The following PLXNA4 variants were observed in gnomAD, a reference collection of about 807,000 sequenced individuals.
The protein encoded by PLXNA4 is plexin-A4.
A neutral mutation model predicts 191.8 loss-of-function variants in PLXNA4; 44 were observed. That is an observed-to-expected ratio of 0.23 (90% CI 0.18 to 0.29). The LOEUF is 0.29. Ranked by LOEUF, PLXNA4 falls within the 10% of genes least tolerant of loss-of-function variation. PLXNA4 has a pLI of 1.00. For synonymous variants in PLXNA4, 1,082 were observed against 1,009.5 expected (o/e 1.07, Z -1.36); for missense variants, 1,800 against 2,488.8 (o/e 0.72, Z 5.89).
At chr7:132,221,444 C>T (rs751592287) in intron 9 of PLXNA4, among the ~76,000 whole-genome samples, 1 of 152,202 alleles carries the variant, frequency 6.6e-6, no homozygotes, top group Non-Finnish European at 1.5e-5. Flanking sequence ...AAGTTATTTG[C>T]AGGTTTCAGA....
intron 20 of PLXNA4, 147 bp from the exon 21 acceptor site, chr7:132,175,067 T>A: frequency 1.5e-6 from 2 of 1,314,920 alleles, no homozygotes; most frequent in Non-Finnish European, 2.0e-6. Flanking sequence ...GAGGCTATGT[T>A]TACATAGCTG....
chr7:132,480,159 G>A (rs1797282464), intron 3 of PLXNA4, among the ~76,000 whole-genome samples: 1 of 152,196 alleles, frequency 6.6e-6, no homozygotes, highest in Non-Finnish European at 1.5e-5. Context: ...ACATTTGTGA[G>A]CACACCTTCA....
At chr7:132,514,233 A>C (rs1472702731) in intron 1 of PLXNA4, among the ~76,000 whole-genome samples, 2 of 151,718 alleles carry the variant, frequency 1.3e-5, no homozygotes, top group African/African-American at 4.8e-5. Flanking sequence ...TTGTATTTTT[A>C]GTAGAGACGG....
chr7:132,574,734 G>A (rs1802145911), intron 1 of PLXNA4, among the ~76,000 whole-genome samples: 1 of 152,154 alleles, frequency 6.6e-6, no homozygotes, highest in Non-Finnish European at 1.5e-5. Flanking sequence ...GGGTGTCTGC[G>A]CTTCTCCCCA....
intron 3 of PLXNA4, among the ~76,000 whole-genome samples, chr7:132,482,084 G>A (rs1004866705): frequency 9.2e-5 from 14 of 152,168 alleles, no homozygotes; most frequent in African/African-American, 3.4e-4. Context: ...CTCAATGGCT[G>A]AGAAACAAAG....
Position 132,296,838 on chromosome 7 carries a change from C to T in PLXNA4, c.1503+1253G>A, listed in dbSNP as rs182634081. On this transcript the variant is annotated intron_variant, in intron 4 of 31. Coordinates refer to ENST00000321063, the MANE Select transcript of PLXNA4 (RefSeq NM_020911.2). ...TCGTGCCCAGCTGCAGGCTCCATCT[C>T]GGTAGTCTCCCCTCCCAGGAAAAAA... is the stretch of plus-strand genomic sequence containing the variant. Among the ~76,000 whole-genome samples the T allele has an allele frequency of 1.8e-4, 28 of 152,166 alleles. No individual in the cohort carries two copies. The East Asian group carries it at 5.4e-3, about 29-fold the overall frequency.
At chr7:132,360,144 C>T (rs571825725) in intron 3 of PLXNA4, among the ~76,000 whole-genome samples, 5 of 152,284 alleles carry the variant, frequency 3.3e-5, no homozygotes, top group Admixed American at 1.3e-4. Flanking sequence ...ACACAGCTCC[C>T]GGGACCATTG....
At chr7:132,593,510 G>A (rs1036137557) in intron 2 of PLXNA4, among the ~76,000 whole-genome samples, 4 of 152,196 alleles carry the variant, frequency 2.6e-5, no homozygotes, top group African/African-American at 9.6e-5. Flanking sequence ...TCAGGGACTC[G>A]CAAAAGTGAG....
intron 15 of PLXNA4, 56 bp downstream of exon 15, chr7:132,187,415 T>A (rs1324844054): frequency 3.2e-5 from 50 of 1,571,308 alleles, no homozygotes; most frequent in Middle Eastern, 1.7e-4. Flanking sequence ...CCTGAAGTCA[T>A]TTACCTGTCT....
chr7:132,467,252 G>C (rs1477493634), intron 3 of PLXNA4, among the ~76,000 whole-genome samples: 2 of 152,150 alleles, frequency 1.3e-5, no homozygotes. Flanking sequence ...GAGGTGCGAG[G>C]GTAATTGACC....
At chr7:132,485,161 C>A in intron 3 of PLXNA4, 1 of 1,213,442 alleles carries the variant, frequency 8.2e-7, no homozygotes, top group Non-Finnish European at 1.1e-6. Context: ...CACCCAGTAC[C>A]TATTCAGAGA....
At chr7:132,249,955 T>A (rs1264971158) in intron 4 of PLXNA4, among the ~76,000 whole-genome samples, 1 of 152,126 alleles carries the variant, frequency 6.6e-6, no homozygotes, top group Non-Finnish European at 1.5e-5. Context: ...CACAGCCTCC[T>A]CCTCCAGGAG....
At chr7:132,469,371 A>G (rs1796843544) in intron 3 of PLXNA4, among the ~76,000 whole-genome samples, 1 of 152,134 alleles carries the variant, frequency 6.6e-6, no homozygotes. Context: ...AAAGTTCACC[A>G]TGGAGTAGTT....
chr7:132,211,356 G>T (rs144865013), intron 9 of PLXNA4, among the ~76,000 whole-genome samples: 9 of 152,354 alleles, frequency 5.9e-5, no homozygotes, highest in Middle Eastern at 3.4e-3. Flanking sequence ...TCTTGAGGTG[G>T]TCCCCACCCT....
intron 22 of PLXNA4, among the ~76,000 whole-genome samples, chr7:132,167,680 G>A (rs1455261825): frequency 6.6e-6 from 1 of 152,086 alleles, no homozygotes; most frequent in East Asian, 1.9e-4. Flanking sequence ...AACTTTACAG[G>A]TGTGCACCAT....
intron 15 of PLXNA4, 130 bp from the exon 16 acceptor site, chr7:132,185,593 GA>G (rs1454871382): frequency 1.1e-5 from 14 of 1,327,454 alleles, no homozygotes; most frequent in African/African-American, 3.0e-5. Flanking sequence ...CTCTCAGACA[GA>G]AAACTGGAGA....
chr7:132,284,209 C>A (rs903314667), intron 4 of PLXNA4, among the ~76,000 whole-genome samples: 1 of 152,124 alleles, frequency 6.6e-6, no homozygotes, highest in African/African-American at 2.4e-5. Flanking sequence ...TACATCTGCT[C>A]AACTCAGATT....
chr7:132,379,965 G>A (rs1027670691), intron 3 of PLXNA4, among the ~76,000 whole-genome samples: 1 of 152,102 alleles, frequency 6.6e-6, no homozygotes, highest in African/African-American at 2.4e-5. Context: ...TCTTGGACTT[G>A]CCACCACCGT....
intron 3 of PLXNA4, among the ~76,000 whole-genome samples, chr7:132,370,186 T>A (rs1406184690): frequency 1.3e-5 from 2 of 152,182 alleles, no homozygotes; most frequent in Non-Finnish European, 2.9e-5. Flanking sequence ...GTGTTCTTCC[T>A]TCCCAGTCTT....
Sources: allele counts gnomAD v4.1 joint callset (sites outside exome capture counted in the v4.1 genomes callset), GRCh38; gene constraint gnomAD v4.1.1; transcripts MANE v1.5; gene names NCBI Gene and HGNC (gene_info 2026-07-23, HGNC 2026-07-21).